Variants in FSHR observed in about 807,000 individuals in gnomAD.
FSHR encodes follicle stimulating hormone receptor, also known as follicle-stimulating hormone receptor.
A neutral mutation model predicts 52.1 loss-of-function variants in FSHR; 46 were observed. The observed-to-expected ratio is 0.88, with a 90% CI of 0.70 to 1.13. The LOEUF (loss-of-function observed/expected upper bound fraction) is 1.13, where lower values mean the gene tolerates loss of function less well. Ranked by LOEUF, FSHR falls within the 50% of genes most tolerant of loss-of-function variation. The pLI is 0.00. For synonymous variants in FSHR, 399 were observed against 309.6 expected (o/e 1.29, Z -3.03); for missense variants, 964 against 834.6 (o/e 1.16, Z -1.91).
chr2:49,020,842 A>G (rs1667669405), intron 2 of FSHR, among the ~76,000 whole-genome samples: 1 of 152,186 alleles, frequency 6.6e-6, no homozygotes, highest in African/African-American at 2.4e-5. Flanking sequence ...GTAGGAACAG[A>G]AAGCCAAACA....
intron 4 of FSHR, among the ~76,000 whole-genome samples, chr2:49,014,474 C>G (rs1263784890): frequency 6.6e-6 from 1 of 152,114 alleles, no homozygotes; most frequent in East Asian, 1.9e-4. Flanking sequence ...TCTGTTTCCT[C>G]TGTTCTCCCT....
At chr2:49,099,645 C>T (rs563042854) in intron 1 of FSHR, among the ~76,000 whole-genome samples, 2 of 151,888 alleles carry the variant, frequency 1.3e-5, no homozygotes, top group East Asian at 3.9e-4. Context: ...AATAGACATA[C>T]AGGGAAAAGA....
intron 1 of FSHR, among the ~76,000 whole-genome samples, chr2:49,110,591 G>T (rs1393054394): frequency 2.6e-5 from 4 of 152,104 alleles, no homozygotes; most frequent in Non-Finnish European, 5.9e-5. Flanking sequence ...AGCCTCTTGA[G>T]GATCAAGGAT....
intron 8 of FSHR, among the ~76,000 whole-genome samples, chr2:48,970,897 C>A (rs190492516): frequency 8.5e-5 from 13 of 152,242 alleles, no homozygotes; most frequent in Non-Finnish European, 1.8e-4. Flanking sequence ...TCTCTCAAGC[C>A]TAACTTTTAA....
chr2:48,980,984 T>C (rs1675221548), intron 8 of FSHR, among the ~76,000 whole-genome samples: 1 of 152,176 alleles, frequency 6.6e-6, no homozygotes, highest in South Asian at 2.1e-4. Context: ...GATGCCTTCT[T>C]AGGAACATTC....
chr2:49,055,171 G>A (rs1466930903), intron 2 of FSHR, among the ~76,000 whole-genome samples: 3 of 151,632 alleles, frequency 2.0e-5, no homozygotes, highest in African/African-American at 7.3e-5. Flanking sequence ...TGAGAAAAGT[G>A]GCAAAGAGAT....
intron 2 of FSHR, among the ~76,000 whole-genome samples, chr2:49,062,207 T>A (rs1669337279): frequency 6.6e-6 from 1 of 152,088 alleles, no homozygotes; most frequent in South Asian, 2.1e-4. Flanking sequence ...AACAACGTGC[T>A]ATGGTCATAA....
At chr2:49,010,797 T>C (rs1667241992) in intron 4 of FSHR, among the ~76,000 whole-genome samples, 1 of 152,196 alleles carries the variant, frequency 6.6e-6, no homozygotes, top group Non-Finnish European at 1.5e-5. Context: ...TTCTTCTAGA[T>C]TTTCTAGTTT....
intron 3 of FSHR, 88 bp downstream of exon 3, chr2:49,019,998 C>A (rs1413235363): frequency 9.1e-7 from 1 of 1,102,036 alleles, no homozygotes; most frequent in Non-Finnish European, 1.4e-6. Flanking sequence ...GAGGCCATGG[C>A]AGAATCAGGG....
At chr2:49,105,793 A>G (rs924819) in intron 1 of FSHR, among the ~76,000 whole-genome samples, 73,028 of 152,002 alleles carry the variant, frequency 0.48, 18,051 homozygotes, top group East Asian at 0.78. Flanking sequence ...GAAGAGGTGC[A>G]TCTGGATGTT....
chr2:49,105,049 G>A lies in FSHR; in HGVS notation c.153-36759C>T, dbSNP rs180771370. On this transcript the variant is annotated intron_variant, in intron 1 of 9. Coordinates refer to ENST00000406846, the MANE Select transcript of FSHR (RefSeq NM_000145.4). ...CGTAGATATCAAAACTTTGGGGGAA[G>A]GGGCTCATACCATCAATTCTGGACA... Among the ~76,000 whole-genome samples, 210 of 152,264 alleles carry A rather than the reference G, an allele frequency of 1.4e-3. 2 individuals are homozygous for A. In the Middle Eastern group the frequency reaches 0.027, roughly 20 times the overall value.
At chr2:49,113,292 C>T (rs970046282) in intron 1 of FSHR, among the ~76,000 whole-genome samples, 2 of 152,310 alleles carry the variant, frequency 1.3e-5, no homozygotes, top group Admixed American at 6.5e-5. Context: ...AAATCTCTGG[C>T]AGATGGCTGT....
chr2:49,136,206 G>T (rs1446129044), intron 1 of FSHR, among the ~76,000 whole-genome samples: 1 of 151,774 alleles, frequency 6.6e-6, no homozygotes, highest in Non-Finnish European at 1.5e-5. Context: ...CTTAAAGAAA[G>T]AAAAATAAAG....
At chr2:49,083,481 T>A (rs1374853759) in intron 1 of FSHR, among the ~76,000 whole-genome samples, 12 of 145,960 alleles carry the variant, frequency 8.2e-5, no homozygotes, top group Admixed American at 1.4e-4. Flanking sequence ...CAGGATCAAA[T>A]TCACACATAA....
At chr2:48,972,192 G>A (rs1292135119) in intron 8 of FSHR, among the ~76,000 whole-genome samples, 1 of 152,150 alleles carries the variant, frequency 6.6e-6, no homozygotes, top group African/African-American at 2.4e-5. Flanking sequence ...AAACTTTGAT[G>A]CCTACCTGGA....
intron 2 of FSHR, among the ~76,000 whole-genome samples, chr2:49,059,855 T>G (rs976310749): frequency 2.6e-5 from 4 of 151,666 alleles, no homozygotes. Flanking sequence ...AAATCAAAAA[T>G]AAAGGGGATT....
intron 2 of FSHR, among the ~76,000 whole-genome samples, chr2:49,041,264 A>G (rs1572669111): frequency 6.6e-6 from 1 of 152,250 alleles, no homozygotes; most frequent in East Asian, 1.9e-4. Context: ...TGTGGTGCTC[A>G]TTTGTGATGA....
chr2:49,029,820 T>C (rs1288847220), intron 2 of FSHR, among the ~76,000 whole-genome samples: 1 of 152,230 alleles, frequency 6.6e-6, no homozygotes, highest in African/African-American at 2.4e-5. Flanking sequence ...GTTCCTCATC[T>C]ATAAAACAAC....
At chr2:49,061,768 A>T (rs1488494703) in intron 2 of FSHR, among the ~76,000 whole-genome samples, 1 of 140,970 alleles carries the variant, frequency 7.1e-6, no homozygotes, top group East Asian at 2.0e-4. Flanking sequence ...ATATAACTAT[A>T]TATAACTCTA....
Sources: allele counts gnomAD v4.1 joint callset (sites outside exome capture counted in the v4.1 genomes callset), GRCh38; gene constraint gnomAD v4.1.1; transcripts MANE v1.5; gene names NCBI Gene and HGNC (gene_info 2026-07-23, HGNC 2026-07-21).